COPS7B: variants seen among roughly 807,000 people sequenced by gnomAD.
COPS7B encodes the protein COP9 signalosome complex subunit 7b.
In COPS7B, 9 loss-of-function variants were observed where a neutral mutation model predicts 33.4. That is an observed-to-expected ratio of 0.27 (90% CI 0.16 to 0.47). The LOEUF (loss-of-function observed/expected upper bound fraction) is 0.47, where lower values mean the gene tolerates loss of function less well. Among genes scored for constraint, COPS7B ranks in the 20% least tolerant of loss-of-function variants. The pLI, the probability that COPS7B is intolerant of heterozygous loss-of-function variation, is 0.99. For synonymous variants in COPS7B, 119 were observed against 126.3 expected, an observed-to-expected ratio of 0.94 and a Z score of 0.39; for missense variants, 242 against 318.2, an observed-to-expected ratio of 0.76 and a Z score of 1.82.
upstream of COPS7B, chr2:231,781,729 G>A: frequency 9.8e-7 from 1 of 1,015,874 alleles, no homozygotes; most frequent in South Asian, 1.4e-5. Flanking sequence ...GCCGCGCAGT[G>A]TGCGCAAATT....
upstream of COPS7B, among the ~76,000 whole-genome samples, chr2:231,783,758 C>T (rs2049178994): frequency 6.6e-6 from 1 of 152,128 alleles, no homozygotes; most frequent in Admixed American, 6.5e-5. Context: ...GGGGTCTCTG[C>T]TGTGTTGCCC....
At chr2:231,799,150 T>C (rs768926989) in intron 6 of COPS7B, among the ~76,000 whole-genome samples, 186 bp downstream of exon 6, 32 of 152,262 alleles carry the variant, frequency 2.1e-4, no homozygotes, top group Non-Finnish European at 4.0e-4. Context: ...GTGTTCTGTC[T>C]CTTTTTTCTG....
Position 231,786,592 on chromosome 2 carries a change from A to C in COPS7B, c.-17+54A>C, listed in dbSNP as rs911086195. On this transcript the variant is annotated intron_variant, in intron 1 of 6. Coordinates refer to ENST00000350033, the MANE Select transcript of COPS7B (RefSeq NM_022730.4). ...CGGGGCCGGCGCTCCAGGCTCGGCCAGACGATCCGGCTTAGAGCCCGCCGC... is the reference window on the plus strand; with the variant it reads ...CGGGGCCGGCGCTCCAGGCTCGGCCCGACGATCCGGCTTAGAGCCCGCCGC... 7.9e-6 allele frequency: 7 copies of C among 885,912 alleles called. 1 individual carries two copies. Among genetic ancestry groups the C allele is most frequent in the Admixed American group, 1.2e-4 (2 of 16,162 alleles). 54.9% of individuals were successfully genotyped at this position (885,912 alleles called of 1,614,324 possible). A position where few individuals can be genotyped will look rare whatever the true frequency, so the allele number is the denominator to read the frequency against.
intron 6 of COPS7B, among the ~76,000 whole-genome samples, chr2:231,800,071 C>T (rs1250418627): frequency 6.6e-6 from 1 of 152,144 alleles, no homozygotes; most frequent in Non-Finnish European, 1.5e-5. Context: ...TACACACACA[C>T]ACCACCCTAT....
chr2:231,791,021 A>T (rs2106316447), intron 2 of COPS7B: 1 of 154,048 alleles, frequency 6.5e-6, no homozygotes, highest in East Asian at 1.9e-4. Flanking sequence ...TACAGGCGTG[A>T]GCCACCGCGC....
chr2:231,792,619 G>T (rs2049450295), intron 3 of COPS7B, among the ~76,000 whole-genome samples: 1 of 151,996 alleles, frequency 6.6e-6, no homozygotes, highest in African/African-American at 2.4e-5. Flanking sequence ...TTTATGTCTT[G>T]CTTGTTTCTT....
At position 231,796,107 on chromosome 2, in the gene COPS7B, G is replaced by A. The variant is rs756820867; in HGVS notation, c.329G>A (p.Cys110Tyr). Reference sequence around the variant, plus strand: ...ATGATCACATGGCCTTATCTACAGTGTATCCCCTACTCCGTGTTGCTGAAA... The same window carrying A: ...ATGATCACATGGCCTTATCTACAGTATATCCCCTACTCCGTGTTGCTGAAA... ...TIVSLASRMKCIPYSVLLKDL... is the reference protein window; with the variant it reads ...TIVSLASRMKYIPYSVLLKDL... Residue 110 changes from cysteine to tyrosine, a missense_variant and splice_region_variant, in exon 5 of 7, where the codon TGT becomes TAT. Cys to Tyr is a radical substitution (Grantham distance 194). Coordinates refer to ENST00000350033, the MANE Select transcript of COPS7B (RefSeq NM_022730.4). 2.5e-6 allele frequency: 4 copies of A among 1,613,228 alleles called. No homozygotes were observed. The African/African-American group carries it at 5.3e-5, about 22-fold the overall frequency.
At chr2:231,788,141 T>G (rs926197348) in intron 1 of COPS7B, among the ~76,000 whole-genome samples, 1 of 149,810 alleles carries the variant, frequency 6.7e-6, no homozygotes, top group African/African-American at 2.5e-5. Flanking sequence ...GAACTGTTTT[T>G]TTTTTTTTTT....
intron 4 of COPS7B, among the ~76,000 whole-genome samples, chr2:231,795,793 C>T (rs1283242534): frequency 6.6e-6 from 1 of 152,188 alleles, no homozygotes; most frequent in East Asian, 1.9e-4. Context: ...GGCAGAGTGG[C>T]ATATACTCAG....
At position 231,808,170 on chromosome 2, in the gene COPS7B, T is replaced by C; in HGVS notation, c.*525T>C. The C allele has an allele frequency of 3.5e-6, 1 of 283,212 alleles. No homozygotes were observed. Among genetic ancestry groups the C allele is most frequent in the South Asian group, 3.0e-5 (1 of 32,810 alleles). 17.5% of individuals were successfully genotyped at this position (283,212 alleles called of 1,614,324 possible). A position where few individuals can be genotyped will look rare whatever the true frequency, so the allele number is the denominator to read the frequency against. On this transcript the variant is annotated 3_prime_UTR_variant, in exon 7 of 7. Transcript: ENST00000350033. Reference sequence around the variant, plus strand: ...TCCTGCCTCATCCCTTGTTGGCAGCTCCAGTTCAGGCCGTGGAGGGACGTG... The same window carrying C: ...TCCTGCCTCATCCCTTGTTGGCAGCCCCAGTTCAGGCCGTGGAGGGACGTG...
intron 6 of COPS7B, among the ~76,000 whole-genome samples, chr2:231,802,863 A>G (rs1040260496): frequency 6.6e-6 from 1 of 152,160 alleles, no homozygotes; most frequent in Non-Finnish European, 1.5e-5. Context: ...TTGTAAATGC[A>G]GTGGTAAAGC....
At chr2:231,786,587 C>G in intron 1 of COPS7B, 49 bp downstream of exon 1, 1 of 901,944 alleles carries the variant, frequency 1.1e-6, no homozygotes, top group Non-Finnish European at 1.3e-6. Context: ...GCTCCAGGCT[C>G]GGCCAGACGA....
intron 6 of COPS7B, chr2:231,801,051 AT>A (rs2049730532): frequency 2.9e-5 from 30 of 1,031,450 alleles, no homozygotes; most frequent in Non-Finnish European, 3.4e-5. Context: ...TTCTGTTTGT[AT>A]TTATGCCTCT....
intron 6 of COPS7B, among the ~76,000 whole-genome samples, chr2:231,806,376 C>A (rs186415022): frequency 9.2e-5 from 14 of 152,108 alleles, no homozygotes; most frequent in African/African-American, 3.1e-4. Flanking sequence ...GTGGTGAAAC[C>A]TTGTCTCTAC....
chr2:231,805,811 ATT>A (rs76922839), intron 6 of COPS7B, among the ~76,000 whole-genome samples: 42 of 142,688 alleles, frequency 2.9e-4, no homozygotes, highest in Non-Finnish European at 4.0e-4. Context: ...CCTGGCTAAA[ATT>A]TTTTTTTTTT....
intron 6 of COPS7B, among the ~76,000 whole-genome samples, chr2:231,803,603 C>T (rs1234182250): frequency 6.6e-6 from 1 of 152,150 alleles, no homozygotes; most frequent in Non-Finnish European, 1.5e-5. Flanking sequence ...ATGCTTCTGT[C>T]TACTTATTTG....
At chr2:231,785,706 T>C (rs1274363675), upstream of COPS7B, among the ~76,000 whole-genome samples, 1 of 152,226 alleles carries the variant, frequency 6.6e-6, no homozygotes, top group Non-Finnish European at 1.5e-5. Context: ...TTTTTCTCTC[T>C]CATTTTCAAG....
At chr2:231,788,095 C>T (rs2049302387) in intron 1 of COPS7B, among the ~76,000 whole-genome samples, 2 of 151,910 alleles carry the variant, frequency 1.3e-5, no homozygotes, top group African/African-American at 2.4e-5. Context: ...TTGAACTCCA[C>T]CCATCTCATA....
Position 231,788,560 on chromosome 2 carries a change from A to C in COPS7B, c.-11A>C. 2 of 1,612,628 alleles carry C rather than the reference A, an allele frequency of 1.2e-6. No homozygotes were observed. Among genetic ancestry groups the C allele is most frequent in the Non-Finnish European group, 1.7e-6 (2 of 1,179,788 alleles). ...CACAATTTTCTTTTGGACAGATTTC[A>C]AGGCCAGAGAATGGCAGGGGAACAG... On this transcript the variant is annotated 5_prime_UTR_variant, in exon 2 of 7. Coordinates refer to ENST00000350033, the MANE Select transcript of COPS7B (RefSeq NM_022730.4).
Sources: gnomAD v4.1 joint callset for allele counts (sites outside exome capture counted in the v4.1 genomes callset) on GRCh38, gnomAD v4.1.1 for gene constraint, MANE v1.5 for transcripts, NCBI Gene and HGNC (gene_info 2026-07-23, HGNC 2026-07-21) for gene names.